Variants in TRHDE observed in about 807,000 individuals in gnomAD.
TRHDE encodes the protein thyrotropin releasing hormone degrading enzyme.
In TRHDE, 72 loss-of-function variants were observed where a neutral mutation model predicts 125.7. The ratio of observed to expected loss-of-function variants is 0.57; its 90% CI spans 0.47 to 0.70. The LOEUF (loss-of-function observed/expected upper bound fraction) is 0.70, where lower values mean the gene tolerates loss of function less well. Among genes scored for constraint, TRHDE ranks in the 30% least tolerant of loss-of-function variants. TRHDE has a pLI of 0.00. For missense variants in TRHDE, 1,110 were observed against 1,327.1 expected, an observed-to-expected ratio of 0.84 and a Z score of 2.54; for synonymous variants, 509 against 509.1, an observed-to-expected ratio of 1.00 and a Z score of 0.00.
At chr12:72,383,607 C>T (rs1291856059) in intron 3 of TRHDE, among the ~76,000 whole-genome samples, 2 of 151,916 alleles carry the variant, frequency 1.3e-5, no homozygotes, top group Non-Finnish European at 2.9e-5. Context: ...AAACTCCTGA[C>T]CTCAGGTGAT....
chr12:72,642,073 G>A (rs1459592611), intron 15 of TRHDE, among the ~76,000 whole-genome samples: 1 of 152,126 alleles, frequency 6.6e-6, no homozygotes, highest in Non-Finnish European at 1.5e-5. Context: ...TCTACAACCT[G>A]GCAGGAGGTC....
chr12:72,149,713 A>G (rs1349119963), intron 2 of TRHDE, among the ~76,000 whole-genome samples: 1 of 152,122 alleles, frequency 6.6e-6, no homozygotes, highest in African/African-American at 2.4e-5. Context: ...CCTATAAAAG[A>G]GAGCAATTGC....
At chr12:72,316,442 C>T (rs575507694) in intron 2 of TRHDE, among the ~76,000 whole-genome samples, 39 of 152,192 alleles carry the variant, frequency 2.6e-4, no homozygotes, top group Middle Eastern at 3.4e-3. Context: ...TATGTCCCAG[C>T]GACTTTTTAC....
chr12:72,123,637 A>G (rs1022263604), intron 2 of TRHDE, among the ~76,000 whole-genome samples: 2 of 152,104 alleles, frequency 1.3e-5, no homozygotes, highest in Non-Finnish European at 2.9e-5. Flanking sequence ...TTTTGAGCAT[A>G]TATTTTTACC....
At chr12:72,572,829 A>G (rs12310724) in intron 10 of TRHDE, among the ~76,000 whole-genome samples, 40,404 of 151,840 alleles carry the variant, frequency 0.27, 8,111 homozygotes, top group African/African-American at 0.54. Flanking sequence ...TTTAAAAACT[A>G]GATTCAAGCA....
chr12:72,277,284 G>T (rs1312827281), intron 1 of TRHDE, among the ~76,000 whole-genome samples: 2 of 152,028 alleles, frequency 1.3e-5, no homozygotes, highest in Non-Finnish European at 2.9e-5. Flanking sequence ...TTTATCTCTG[G>T]GTAGGCATTT....
At chr12:72,362,929 T>A (rs2135753890) in intron 2 of TRHDE, among the ~76,000 whole-genome samples, 1 of 152,208 alleles carries the variant, frequency 6.6e-6, no homozygotes, top group East Asian at 1.9e-4. Flanking sequence ...TCTATATCTC[T>A]GTTTTGGTAC....
chr12:72,291,522 A>C (rs1197117068), intron 2 of TRHDE, among the ~76,000 whole-genome samples: 1 of 152,182 alleles, frequency 6.6e-6, no homozygotes, highest in African/African-American at 2.4e-5. Flanking sequence ...CCAAATAGTC[A>C]TAATTGCGTT....
intron 3 of TRHDE, among the ~76,000 whole-genome samples, chr12:72,412,195 T>G (rs1248029693): frequency 1.3e-5 from 2 of 152,072 alleles, no homozygotes; most frequent in Non-Finnish European, 2.9e-5. Context: ...CTTGGGGAAA[T>G]TTTTAAAAAT....
rs575849312 is a variant in TRHDE at position 72,535,881 on chromosome 12, C to A, written c.1723-6410C>A. ...TTTTAAAAGTACTTTGATTTTGAATCAATAGACTAATCCTTTCAGTAACTC... is the reference window on the plus strand; with the variant it reads ...TTTTAAAAGTACTTTGATTTTGAATAAATAGACTAATCCTTTCAGTAACTC... On this transcript the variant is annotated intron_variant, in intron 6 of 18. Transcript: ENST00000261180. 3.3e-5 allele frequency among the ~76,000 whole-genome samples: 5 copies of A among 152,138 alleles called. No homozygotes were observed. The South Asian group carries it at 6.2e-4, about 19-fold the overall frequency.
chr12:72,621,588 G>T, intron 14 of TRHDE, 56 bp from the exon 15 acceptor site: 1 of 1,272,678 alleles, frequency 7.9e-7, no homozygotes, highest in South Asian at 1.3e-5. Flanking sequence ...CTACTATTTA[G>T]GGAATGAATT....
At chr12:72,188,907 C>T (rs1007485615) in intron 2 of TRHDE, among the ~76,000 whole-genome samples, 2 of 152,184 alleles carry the variant, frequency 1.3e-5, no homozygotes, top group Non-Finnish European at 2.9e-5. Context: ...GAATCTTCCC[C>T]ATCCACATGC....
At position 72,665,705 on chromosome 12, in the gene TRHDE, T is replaced by C. The variant is rs1036259392; in HGVS notation, c.*2510T>C. ...TATATGTATGCATGAAATAACTAAC[T>C]GTTGAAAGTGTCCAACCTCCAGCCA... On this transcript the variant is annotated 3_prime_UTR_variant, in exon 19 of 19. Transcript: ENST00000261180. 6.6e-6 allele frequency: 1 copy of C among 152,070 alleles called. No homozygotes were observed. The highest frequency in any genetic ancestry group is 1.5e-5 in the Non-Finnish European group (1 of 67,986). The allele number at this position is 152,070 out of a possible 1,614,324, so 9.4% of individuals were successfully genotyped here. A position where few individuals can be genotyped will look rare whatever the true frequency, so the allele number is the denominator to read the frequency against.
At chr12:72,507,986 T>C (rs1878427681) in intron 6 of TRHDE, among the ~76,000 whole-genome samples, 1 of 152,164 alleles carries the variant, frequency 6.6e-6, no homozygotes, top group Non-Finnish European at 1.5e-5. Flanking sequence ...CCATAACTCT[T>C]GGTGGCTTCC....
rs372651732 is a variant in TRHDE at position 72,200,669 on chromosome 12, ATTG to A, written n.279+94920_279+94922del. The stretch of plus-strand genomic sequence containing the variant: ...AAAAAACTTTTAGGGTTCAGGTTTT[ATTG>A]TTAACACCTAGTAGAACAATGAAGA... On this transcript the variant is annotated intron_variant and non_coding_transcript_variant, in intron 2 of 4. Coordinates refer to the TRHDE transcript ENST00000548156. Among the ~76,000 whole-genome samples, 286 of 152,286 alleles carry A rather than the reference ATTG, an allele frequency of 1.9e-3. 1 individual carries two copies. Among genetic ancestry groups the A allele is most frequent in the African/African-American group, 6.5e-3 (272 of 41,548 alleles).
At chr12:72,379,529 C>T (rs1033056709) in intron 3 of TRHDE, among the ~76,000 whole-genome samples, 1 of 152,150 alleles carries the variant, frequency 6.6e-6, no homozygotes, top group African/African-American at 2.4e-5. Context: ...TGGGAACTTC[C>T]CAGCTTGACC....
chr12:72,245,137 A>T (rs1007737624), intron 2 of TRHDE, among the ~76,000 whole-genome samples: 1 of 152,080 alleles, frequency 6.6e-6, no homozygotes, highest in Non-Finnish European at 1.5e-5. Context: ...AATAATGTAT[A>T]GTCCATATCT....
chr12:72,601,029 T>C (rs891279282), intron 12 of TRHDE, among the ~76,000 whole-genome samples: 1 of 152,110 alleles, frequency 6.6e-6, no homozygotes. Flanking sequence ...CTACCACAGA[T>C]AATGATTCGT....
chr12:72,198,524 C>T (rs1049053377), intron 2 of TRHDE, among the ~76,000 whole-genome samples: 7 of 152,022 alleles, frequency 4.6e-5, no homozygotes, highest in Non-Finnish European at 8.8e-5. Flanking sequence ...CCATATACGG[C>T]CTGCTTTTTT....
Sources: allele counts gnomAD v4.1 joint callset (sites outside exome capture counted in the v4.1 genomes callset), GRCh38; gene constraint gnomAD v4.1.1; transcripts MANE v1.5; gene names NCBI Gene and HGNC (gene_info 2026-07-23, HGNC 2026-07-21).